The following TGFB1 variants were observed in gnomAD, a reference collection of about 807,000 sequenced individuals.
TGFB1 encodes transforming growth factor beta-1 proprotein.
TGFB1 carries 19 observed loss-of-function variants against 43.8 expected under a neutral mutation model. The ratio of observed to expected loss-of-function variants is 0.43; its 90% CI spans 0.30 to 0.64. The LOEUF is 0.64. Among genes scored for constraint, TGFB1 ranks in the 30% least tolerant of loss-of-function variants. The pLI, the probability that TGFB1 is intolerant of heterozygous loss-of-function variation, is 0.11. For synonymous variants in TGFB1, 221 were observed against 236.3 expected (o/e 0.94, Z 0.60); for missense variants, 445 against 529.8 (o/e 0.84, Z 1.57).
chr19:41,343,822 A>G (rs1336854978), intron 3 of TGFB1, among the ~76,000 whole-genome samples: 1 of 132,482 alleles, frequency 7.5e-6, no homozygotes, highest in Non-Finnish European at 1.7e-5. Context: ...TATTGAATAA[A>G]AGCATAAATG....
intron 5 of TGFB1, among the ~76,000 whole-genome samples, chr19:41,337,162 C>T (rs1395313685): frequency 2.6e-5 from 4 of 151,586 alleles, no homozygotes; most frequent in African/African-American, 7.3e-5. Context: ...TTTTTTGAGA[C>T]GGGAGTCTCA....
chr19:41,349,718 C>T (rs1173287909), intron 1 of TGFB1, among the ~76,000 whole-genome samples: 1 of 152,104 alleles, frequency 6.6e-6, no homozygotes, highest in Non-Finnish European at 1.5e-5. Flanking sequence ...GATTGCGCCA[C>T]TGCACTCCAG....
At chr19:41,342,348 C>T (rs2038066974) in intron 3 of TGFB1, 101 bp from the exon 4 acceptor site, 2 of 1,122,748 alleles carry the variant, frequency 1.8e-6, no homozygotes, top group African/African-American at 3.1e-5. Context: ...TCCTTCCTGC[C>T]TCCCCCACCC....
rs2038251345 is a variant in TGFB1 at position 41,353,830 on chromosome 19, C to A, written c.-786G>T. 6.5e-6 allele frequency: 1 copy of A among 153,566 alleles called. No individual in the cohort carries two copies. The highest frequency in any genetic ancestry group is 2.4e-5 in the African/African-American group (1 of 41,308). The allele number at this position is 153,566 out of a possible 1,614,324, so 9.5% of individuals were successfully genotyped here. ...CGGGGGGGTGCCCCGGACGGGGCGTCCCCCCTGCCCCCGGCCGGGGCCCTC... is the reference window on the plus strand; with the variant it reads ...CGGGGGGGTGCCCCGGACGGGGCGTACCCCCTGCCCCCGGCCGGGGCCCTC... On this transcript the variant is annotated 5_prime_UTR_variant, in exon 1 of 7. Transcript: ENST00000221930. This position sits in a 1 kb window ranked among gnomAD's most constrained non-coding sequence, Gnocchi z 5.9.
At chr19:41,331,286 C>G in intron 6 of TGFB1, 76 bp from the exon 7 acceptor site, 1 of 1,418,758 alleles carries the variant, frequency 7.0e-7, no homozygotes, top group Non-Finnish European at 9.2e-7. Context: ...CCATCCCCCA[C>G]CCGCTACCGC....
chr19:41,352,584 C>T, intron 1 of TGFB1, 106 bp downstream of exon 1: 1 of 1,392,142 alleles, frequency 7.2e-7, no homozygotes, highest in Non-Finnish European at 9.9e-7. Context: ...GGGGTGTCCT[C>T]TTCCTCCAGC....
rs201417808 is a variant in TGFB1 at position 41,348,439 on chromosome 19, G to A, written c.372C>T (p.Phe124=). Residue 124 remains phenylalanine, a synonymous_variant, in exon 2 of 7, where the codon TTC becomes TTT. Coordinates refer to ENST00000221930, the MANE Select transcript of TGFB1 (RefSeq NM_000660.7). ...VETHNEIYDK[F]KQSTHSIYMF... ...TATATATGCTGTGTGTACTCTGCTTGAACTTGTCATAGATTTCTAGCAGGG... is the reference window on the plus strand; with the variant it reads ...TATATATGCTGTGTGTACTCTGCTTAAACTTGTCATAGATTTCTAGCAGGG... 2.1e-5 allele frequency: 34 copies of A among 1,613,288 alleles called. No homozygotes were observed. Among genetic ancestry groups the A allele is most frequent in the Non-Finnish European group, 2.9e-5 (34 of 1,179,630 alleles).
Position 41,347,688 on chromosome 19 carries a change from C to A in TGFB1, c.516+607G>T, listed in dbSNP as rs1599892880. 3.9e-5 allele frequency among the ~76,000 whole-genome samples: 6 copies of A among 152,000 alleles called. No homozygotes were observed. The South Asian group carries it at 1.2e-3, about 32-fold the overall frequency. ...ACTAAAAATACAAAAATTAGCCCAG[C>A]GTGTTGGCACATGCCTGTAATCCCA... On this transcript the variant is annotated intron_variant, in intron 2 of 6. Coordinates refer to ENST00000221930, the MANE Select transcript of TGFB1 (RefSeq NM_000660.7).
Position 41,332,069 on chromosome 19 carries a change from C to G in TGFB1, c.1014+59G>C. The G allele has an allele frequency of 1.9e-6, 3 of 1,582,600 alleles. No homozygotes were observed. In the African/African-American group the frequency reaches 4.0e-5, roughly 21 times the overall value. On this transcript the variant is annotated intron_variant, in intron 6 of 6. Transcript: ENST00000221930. ...CTGACTTTACTTCTCTTTCTCTCTC[C>G]TCTTCCTCCGTCCTGGCTCCCCCCA... is the stretch of plus-strand genomic sequence containing the variant.
intron 2 of TGFB1, 126 bp downstream of exon 2, chr19:41,348,169 T>C (rs1366999080): frequency 4.6e-6 from 5 of 1,095,944 alleles, no homozygotes; most frequent in Non-Finnish European, 6.9e-6. Flanking sequence ...GTATGGTTTG[T>C]GTTCTTCTAT....
Position 41,344,828 on chromosome 19 carries a change from G to T in TGFB1, c.553C>A (p.Arg185=), listed in dbSNP as rs201055697. 2.2e-5 allele frequency: 35 copies of T among 1,606,384 alleles called. No individual in the cohort carries two copies. In the African/African-American group the frequency reaches 4.4e-4, roughly 20 times the overall value. The part of the protein sequence containing the change: ...SNNSWRYLSN[R]LLAPSDSPEW... ...GGCGAGTCGCTGGGTGCCAGCAGCC[G>T]GTTGCTGAGGTATCGCCAGGAATTG... The change falls in exon 3 of 7, where the codon CGG becomes AGG. Residue 185 remains arginine (R), a synonymous_variant. Coordinates refer to ENST00000221930, the MANE Select transcript of TGFB1 (RefSeq NM_000660.7).
At chr19:41,334,148 G>A (rs2123083871) in intron 5 of TGFB1, among the ~76,000 whole-genome samples, 1 of 152,300 alleles carries the variant, frequency 6.6e-6, no homozygotes, top group Middle Eastern at 3.4e-3. Flanking sequence ...GCCAAGGCGG[G>A]TGGATCACCT....
In TGFB1 at chr19:41,333,506, T is replaced by C. The variant is rs1055771936; in HGVS notation, c.861-1225A>G. On this transcript the variant is annotated intron_variant, in intron 5 of 6. Coordinates refer to ENST00000221930, the MANE Select transcript of TGFB1 (RefSeq NM_000660.7). ...GGTATTACAGACCTGAGCCACTGCATCTGGCCTATTTATTCTTTTTAATTT... is the reference window on the plus strand; with the variant it reads ...GGTATTACAGACCTGAGCCACTGCACCTGGCCTATTTATTCTTTTTAATTT... Among the ~76,000 whole-genome samples the C allele has an allele frequency of 3.3e-5, 5 of 152,030 alleles. No homozygotes were observed. The East Asian group carries it at 9.6e-4, about 29-fold the overall frequency.
At position 41,345,016 on chromosome 19, in the gene TGFB1, C is replaced by T. The variant is rs531039494; in HGVS notation, c.517-152G>A. ...CTCTCAGACAGCCACCTGTGTGGTC[C>T]TGTGGCACCCATCCTCCCCAACAGT... is the stretch of plus-strand genomic sequence containing the variant. On this transcript the variant is annotated intron_variant, in intron 2 of 6. Coordinates refer to ENST00000221930, the MANE Select transcript of TGFB1 (RefSeq NM_000660.7). The T allele has an allele frequency of 5.5e-5, 40 of 733,706 alleles. No homozygotes were observed. In the East Asian group the frequency reaches 9.0e-4, roughly 17 times the overall value. 45.4% of individuals were successfully genotyped at this position (733,706 alleles called of 1,614,324 possible).
At chr19:41,345,619 C>T (rs939212522) in intron 2 of TGFB1, among the ~76,000 whole-genome samples, 17 of 150,408 alleles carry the variant, frequency 1.1e-4, no homozygotes, top group African/African-American at 4.2e-4. Context: ...CTAATGATTC[C>T]GGCTGGGCAC....
At chr19:41,350,212 C>CAGTT (rs902065187) in intron 1 of TGFB1, among the ~76,000 whole-genome samples, 1 of 152,182 alleles carries the variant, frequency 6.6e-6, no homozygotes, top group Admixed American at 6.6e-5. Flanking sequence ...GTTTTCCACC[C>CAGTT]TTAACTCCCT....
intron 3 of TGFB1, among the ~76,000 whole-genome samples, chr19:41,343,436 CT>C (rs1297632923): frequency 7.2e-5 from 11 of 152,016 alleles, no homozygotes; most frequent in African/African-American, 1.4e-4. Context: ...GCCAGGCCCC[CT>C]AATCCCTTTT....
chr19:41,349,045 C>T (rs898752089), intron 1 of TGFB1, among the ~76,000 whole-genome samples: 2 of 152,086 alleles, frequency 1.3e-5, no homozygotes, highest in Non-Finnish European at 2.9e-5. Context: ...TCTCTCAAGT[C>T]GACTAAGGCT....
chr19:41,351,397 C>T (rs1355945672), intron 1 of TGFB1, among the ~76,000 whole-genome samples: 1 of 152,200 alleles, frequency 6.6e-6, no homozygotes, highest in African/African-American at 2.4e-5. Flanking sequence ...GAGTGGGAGC[C>T]CCGCCCGTAG....
Sources: gnomAD v4.1 joint callset for allele counts (sites outside exome capture counted in the v4.1 genomes callset) on GRCh38, gnomAD v4.1.1 for gene constraint, Gnocchi (gnomAD v3.1) non-coding constraint, MANE v1.5 for transcripts, NCBI Gene and HGNC (gene_info 2026-07-23, HGNC 2026-07-21) for gene names.